EPB41L2: variants seen among roughly 807,000 people sequenced by gnomAD.
The protein encoded by EPB41L2 is erythrocyte membrane protein band 4.1 like 2.
EPB41L2 carries 43 observed loss-of-function variants against 113.0 expected under a neutral mutation model. The observed-to-expected ratio is 0.38, with a 90% CI of 0.30 to 0.49. EPB41L2 has a LOEUF of 0.49. Ranked by LOEUF, EPB41L2 falls within the 20% of genes least tolerant of loss-of-function variation. The pLI is 0.95. For missense variants in EPB41L2, 1,147 were observed against 1,223.4 expected (o/e 0.94, Z 0.93); for synonymous variants, 442 against 436.7 (o/e 1.01, Z -0.15).
Position 130,953,759 on chromosome 6 carries a change from G to A in EPB41L2, c.705+1346C>T, listed in dbSNP as rs562478527. The stretch of plus-strand genomic sequence containing the variant: ...TAGTGCCCCTGTAACTGAGGTTGAA[G>A]GGAGCTGCCTTGTCCTTCCATCAGG... On this transcript the variant is annotated intron_variant, in intron 3 of 19. Coordinates refer to ENST00000337057, the MANE Select transcript of EPB41L2 (RefSeq NM_001431.4). Among the ~76,000 whole-genome samples the A allele has an allele frequency of 7.2e-5, 11 of 152,036 alleles. No individual in the cohort carries two copies. In the South Asian group the frequency reaches 2.3e-3, roughly 32 times the overall value.
chr6:130,946,661 A>G (rs1287834691), intron 3 of EPB41L2, among the ~76,000 whole-genome samples: 6 of 152,138 alleles, frequency 3.9e-5, no homozygotes, highest in Non-Finnish European at 7.4e-5. Flanking sequence ...ATGAACAGAT[A>G]CATGGGGATA....
At chr6:130,976,314 T>C (rs1778190993) in intron 1 of EPB41L2, among the ~76,000 whole-genome samples, 1 of 152,216 alleles carries the variant, frequency 6.6e-6, no homozygotes, top group African/African-American at 2.4e-5. Flanking sequence ...CAAGTTCTTC[T>C]TTGACCACAT....
intron 1 of EPB41L2, among the ~76,000 whole-genome samples, chr6:131,030,698 A>T (rs1186779531): frequency 1.3e-5 from 2 of 152,218 alleles, no homozygotes; most frequent in African/African-American, 4.8e-5. Context: ...GTCAAACATA[A>T]TTACATGTAT....
At chr6:131,000,769 C>T (rs1001499177) in intron 1 of EPB41L2, 2 of 152,210 alleles carry the variant, frequency 1.3e-5, no homozygotes, top group Admixed American at 6.5e-5. Context: ...AAGTACAGTG[C>T]TGACACAATC....
chr6:130,946,035 C>CA (rs1239220247), intron 3 of EPB41L2, among the ~76,000 whole-genome samples: 2 of 151,892 alleles, frequency 1.3e-5, no homozygotes, highest in African/African-American at 2.4e-5. Flanking sequence ...AAAACATTTC[C>CA]AAAAAAATCA....
Position 130,904,503 on chromosome 6 carries a change from A to G in EPB41L2, c.891T>C (p.Tyr297=). 1.2e-6 allele frequency: 2 copies of G among 1,607,704 alleles called. No individual in the cohort carries two copies. Among genetic ancestry groups the G allele is most frequent in the East Asian group, 2.2e-5 (1 of 44,666 alleles). Residue 297 remains tyrosine, a synonymous_variant, in exon 6 of 20, where the codon TAT becomes TAC. Coordinates refer to ENST00000337057, the MANE Select transcript of EPB41L2 (RefSeq NM_001431.4). Reference sequence around the variant, plus strand: ...CAGTCAATTGAGAAGGATCAGGAGGATAAAACTTCACATTAAAAGTGAATA... The same window carrying G: ...CAGTCAATTGAGAAGGATCAGGAGGGTAAAACTTCACATTAAAAGTGAATA... ...PWLFTFNVKF[Y]PPDPSQLTED... is the part of the protein sequence containing the mutation.
chr6:130,860,287 A>T (rs142530276), intron 18 of EPB41L2, among the ~76,000 whole-genome samples: 1 of 152,370 alleles, frequency 6.6e-6, no homozygotes, highest in East Asian at 1.9e-4. Context: ...CAACTGTTCA[A>T]GAGAAAATGT....
At chr6:130,930,253 T>C (rs1476118958) in intron 3 of EPB41L2, among the ~76,000 whole-genome samples, 1 of 152,136 alleles carries the variant, frequency 6.6e-6, no homozygotes, top group Non-Finnish European at 1.5e-5. Context: ...AATACAACAT[T>C]TACTAATGTA....
At position 131,013,913 on chromosome 6, in the gene EPB41L2, T is replaced by C. The variant is rs893776497; in HGVS notation, c.-15+49242A>G. Among the ~76,000 whole-genome samples the C allele has an allele frequency of 2.0e-5, 3 of 152,270 alleles. No individual in the cohort carries two copies. In the South Asian group the frequency reaches 6.2e-4, roughly 32 times the overall value. ...ACCAACATTTGAAATTTATAGGACA[T>C]TCGGAATCACAGCTGTTTCTGTTTT... On this transcript the variant is annotated intron_variant, in intron 1 of 19. Coordinates refer to ENST00000337057, the MANE Select transcript of EPB41L2 (RefSeq NM_001431.4).
At chr6:130,862,382 A>G (rs1782418819) in intron 18 of EPB41L2, among the ~76,000 whole-genome samples, 1 of 152,196 alleles carries the variant, frequency 6.6e-6, no homozygotes, top group Non-Finnish European at 1.5e-5. Flanking sequence ...CTTGTGCTTC[A>G]CATATTCTAG....
intron 6 of EPB41L2, among the ~76,000 whole-genome samples, chr6:130,902,464 C>G (rs770508467): frequency 6.6e-6 from 1 of 152,152 alleles, no homozygotes; most frequent in African/African-American, 2.4e-5. Context: ...GACAAGTGCT[C>G]GGTAATTGAG....
In EPB41L2 at chr6:130,899,596, C is replaced by G. The variant is rs1233179816; in HGVS notation, c.1149-18G>C. On this transcript the variant is annotated intron_variant, in intron 7 of 19. Coordinates refer to ENST00000337057, the MANE Select transcript of EPB41L2 (RefSeq NM_001431.4). ...ATAAGCCCCTGAGAATCAAAAGAAA[C>G]AGTATTATCTTATTAATGGATGCAG... 6.2e-7 allele frequency: 1 copy of G among 1,605,640 alleles called. No individual in the cohort carries two copies. Among genetic ancestry groups the G allele is most frequent in the Non-Finnish European group, 8.5e-7 (1 of 1,172,676 alleles).
rs756191073 is a variant in EPB41L2, at chr6:130,863,649, C to G, written c.2899G>C (p.Asp967His). The change falls in exon 18 of 20, where the codon GAT becomes CAT. Residue 967 changes from aspartate (D) to histidine (H), a missense_variant. Asp to His is a moderately conservative substitution (Grantham distance 81). Transcript: ENST00000337057. ...RIVITGDGDI[D>H]HDQALAQAIR... is the part of the protein sequence containing the mutation. ...CTTAACTTATTTACCTGGTCATGAT[C>G]AATATCTCCATCTCCTGTGATCACA... 2.5e-6 allele frequency: 4 copies of G among 1,610,968 alleles called. No individual in the cohort carries two copies. The Admixed American group carries it at 6.7e-5, about 27-fold the overall frequency.
At chr6:130,923,917 A>G (rs577206237) in intron 4 of EPB41L2, among the ~76,000 whole-genome samples, 1 of 152,228 alleles carries the variant, frequency 6.6e-6, no homozygotes, top group African/African-American at 2.4e-5. Context: ...TCATTGTCCA[A>G]CAGAGCTCTA....
chr6:131,054,632 C>T (rs1399880792), intron 1 of EPB41L2, among the ~76,000 whole-genome samples: 1 of 152,234 alleles, frequency 6.6e-6, no homozygotes, highest in Non-Finnish European at 1.5e-5. Flanking sequence ...GGCACATTGC[C>T]ACAGTTACTA....
chr6:130,876,622 A>G, intron 14 of EPB41L2: 1 of 1,138,056 alleles, frequency 8.8e-7, no homozygotes, highest in Non-Finnish European at 1.2e-6. Context: ...GGATAGAAAC[A>G]AAAGGAAAGG....
intron 1 of EPB41L2, among the ~76,000 whole-genome samples, chr6:131,009,805 C>T (rs1429650643): frequency 6.6e-6 from 1 of 152,184 alleles, no homozygotes; most frequent in African/African-American, 2.4e-5. Context: ...GTTTTCTCCC[C>T]TTTTATGAAA....
At chr6:130,977,291 T>A (rs950164686) in intron 1 of EPB41L2, among the ~76,000 whole-genome samples, 5 of 152,196 alleles carry the variant, frequency 3.3e-5, no homozygotes, top group African/African-American at 1.2e-4. Flanking sequence ...AGGATCTCAA[T>A]GTTCATGTAC....
intron 1 of EPB41L2, among the ~76,000 whole-genome samples, chr6:131,050,515 G>C (rs933005304): frequency 1.3e-5 from 2 of 152,148 alleles, no homozygotes; most frequent in Non-Finnish European, 2.9e-5. Flanking sequence ...ACAGGCATTA[G>C]ATCATCCTGT....
Sources: gnomAD v4.1 joint callset for allele counts (sites outside exome capture counted in the v4.1 genomes callset) on GRCh38, gnomAD v4.1.1 for gene constraint, MANE v1.5 for transcripts, NCBI Gene and HGNC (gene_info 2026-07-23, HGNC 2026-07-21) for gene names.